Variants in CSMD2 observed in about 807,000 individuals in gnomAD.
CSMD2 encodes CUB and sushi domain-containing protein 2.
In CSMD2, 130 loss-of-function variants were observed where a neutral mutation model predicts 398.5. The ratio of observed to expected loss-of-function variants is 0.33; its 90% CI spans 0.28 to 0.38. The LOEUF is 0.38. CSMD2 is among the 10% of genes least tolerant of loss of function. CSMD2 has a pLI of 1.00. For synonymous variants in CSMD2, 1,828 were observed against 1,908.5 expected (o/e 0.96, Z 1.10); for missense variants, 3,829 against 4,764.9 (o/e 0.80, Z 5.78).
At chr1:33,879,523 C>T (rs531358701) in intron 5 of CSMD2, among the ~76,000 whole-genome samples, 3 of 152,266 alleles carry the variant, frequency 2.0e-5, no homozygotes, top group East Asian at 3.9e-4. Flanking sequence ...CACACAAATA[C>T]CTGAGTCATG....
At chr1:33,824,070 C>G (rs1367305439) in intron 7 of CSMD2, among the ~76,000 whole-genome samples, 1 of 152,150 alleles carries the variant, frequency 6.6e-6, no homozygotes, top group Non-Finnish European at 1.5e-5. Context: ...CCCCATTCTA[C>G]AGATGTGAAA....
intron 1 of CSMD2, among the ~76,000 whole-genome samples, chr1:34,143,570 G>A (rs1639498928): frequency 6.6e-6 from 1 of 152,174 alleles, no homozygotes; most frequent in East Asian, 1.9e-4. Flanking sequence ...AAGCTTAGGG[G>A]GATGTGGGCC....
chr1:33,674,083 T>C (rs1644612342), intron 25 of CSMD2, among the ~76,000 whole-genome samples: 1 of 152,170 alleles, frequency 6.6e-6, no homozygotes, highest in Admixed American at 6.5e-5. Flanking sequence ...AACATCATCA[T>C]GACAGGATCA....
At chr1:33,566,503 A>C (rs981277384) in intron 53 of CSMD2, among the ~76,000 whole-genome samples, 1 of 152,176 alleles carries the variant, frequency 6.6e-6, no homozygotes, top group African/African-American at 2.4e-5. Context: ...TAACTAACCA[A>C]CTAAAAGAAA....
intron 41 of CSMD2, 58 bp from the exon 42 acceptor site, chr1:33,605,528 G>T: frequency 6.4e-7 from 1 of 1,551,322 alleles, no homozygotes; most frequent in Non-Finnish European, 8.9e-7. Context: ...AATAGGAGCG[G>T]CAGAAAGCAT....
At chr1:34,119,703 T>C (rs956466097) in intron 1 of CSMD2, among the ~76,000 whole-genome samples, 1 of 152,196 alleles carries the variant, frequency 6.6e-6, no homozygotes, top group Non-Finnish European at 1.5e-5. Context: ...GAAATGAAAT[T>C]TAAGCCACCA....
At chr1:34,135,616 CAAAAAAAAAAAAAA>C (rs55936483) in intron 1 of CSMD2, among the ~76,000 whole-genome samples, 1 of 82,618 alleles carries the variant, frequency 1.2e-5, no homozygotes, top group Non-Finnish European at 2.3e-5. Flanking sequence ...GACTCCATCT[CAAAAAAAAAAAAAA>C]AAAAAAAAAA....
At chr1:34,096,839 A>G (rs1571106825) in intron 1 of CSMD2, among the ~76,000 whole-genome samples, 1 of 135,800 alleles carries the variant, frequency 7.4e-6, no homozygotes, top group East Asian at 2.2e-4. Flanking sequence ...ATACTGCCCA[A>G]GGTAATTTAC....
chr1:33,821,771 G>A (rs552041980), intron 7 of CSMD2, among the ~76,000 whole-genome samples: 8 of 152,272 alleles, frequency 5.3e-5, no homozygotes, highest in South Asian at 4.1e-4. Flanking sequence ...CCACGGAAGC[G>A]GACTGTGGGA....
At chr1:33,842,385 C>T (rs989176412) in intron 6 of CSMD2, among the ~76,000 whole-genome samples, 4 of 152,216 alleles carry the variant, frequency 2.6e-5, no homozygotes, top group African/African-American at 9.6e-5. Flanking sequence ...GATCACGTCT[C>T]CCCTTTCATT....
intron 5 of CSMD2, among the ~76,000 whole-genome samples, chr1:33,866,028 G>C (rs962720352): frequency 1.3e-5 from 2 of 152,166 alleles, no homozygotes; most frequent in East Asian, 1.9e-4. Context: ...ACATGCAACA[G>C]ATCTCCCTAA....
intron 5 of CSMD2, among the ~76,000 whole-genome samples, chr1:33,914,750 G>A (rs1273950329): frequency 6.6e-6 from 1 of 152,124 alleles, no homozygotes; most frequent in Non-Finnish European, 1.5e-5. Flanking sequence ...TCCAGTGATG[G>A]GCACATACTG....
intron 1 of CSMD2, among the ~76,000 whole-genome samples, chr1:34,147,389 G>A (rs1030088849): frequency 6.6e-6 from 1 of 152,216 alleles, no homozygotes. Context: ...CGCTGAAGAG[G>A]GGGAGGGGAG....
intron 10 of CSMD2, 33 bp downstream of exon 10, chr1:33,810,710 A>G (rs778741023): frequency 1.2e-6 from 2 of 1,608,272 alleles, no homozygotes; most frequent in South Asian, 2.2e-5. Context: ...AGCCCTGCCC[A>G]CAGAACACCA....
intron 15 of CSMD2, among the ~76,000 whole-genome samples, chr1:33,728,755 T>C (rs1452614917): frequency 6.6e-6 from 1 of 152,238 alleles, no homozygotes; most frequent in African/African-American, 2.4e-5. Context: ...CTTGTGACAA[T>C]GGCAACACTA....
chr1:33,844,075 G>A (rs1212760674), intron 6 of CSMD2, among the ~76,000 whole-genome samples: 1 of 152,218 alleles, frequency 6.6e-6, no homozygotes, highest in Non-Finnish European at 1.5e-5. Context: ...AAGCTGTGCA[G>A]TATTCCTCCT....
intron 22 of CSMD2, 127 bp downstream of exon 22, chr1:33,708,962 A>G (rs1645896500): frequency 1.3e-6 from 1 of 759,252 alleles, no homozygotes; most frequent in Admixed American, 2.9e-5. Flanking sequence ...CAGATGAGTG[A>G]GGACAGTATT....
intron 33 of CSMD2, 114 bp downstream of exon 33, chr1:33,626,372 A>C (rs1191438536): frequency 7.6e-6 from 5 of 654,944 alleles, no homozygotes; most frequent in Non-Finnish European, 9.9e-6. Context: ...AACTGCCCCC[A>C]AACACCCTGA....
At chr1:34,062,696 C>T (rs1570974873) in intron 2 of CSMD2, among the ~76,000 whole-genome samples, 1 of 152,196 alleles carries the variant, frequency 6.6e-6, no homozygotes, top group Admixed American at 6.5e-5. Context: ...TCTTCTTTGG[C>T]CTGTTCTGCT....
Sources: gnomAD v4.1 joint callset for allele counts (sites outside exome capture counted in the v4.1 genomes callset) on GRCh38, gnomAD v4.1.1 for gene constraint, MANE v1.5 for transcripts, NCBI Gene and HGNC (gene_info 2026-07-23, HGNC 2026-07-21) for gene names.